The following VENTX variants were observed in gnomAD, a reference collection of about 807,000 sequenced individuals.
VENTX encodes VENT homeobox.
A neutral mutation model predicts 10.5 loss-of-function variants in VENTX; 13 were observed. The observed-to-expected ratio is 1.23, with a 90% CI of 0.80 to 1.96. The LOEUF is 1.96. VENTX is among the 30% of genes most tolerant of loss of function. The pLI is 0.00. For synonymous variants in VENTX, 177 were observed against 150.4 expected, an observed-to-expected ratio of 1.18 and a Z score of -1.29; for missense variants, 400 against 341.8, an observed-to-expected ratio of 1.17 and a Z score of -1.34.
chr10:133,238,285 G>A (rs1845881218), intron 1 of VENTX, 130 bp downstream of exon 1: 2 of 1,249,022 alleles, frequency 1.6e-6, no homozygotes, highest in African/African-American at 1.6e-5. Context: ...GTTTCCATGA[G>A]GGCCGGCGGA....
At position 133,237,855 on chromosome 10, in the gene VENTX, G is replaced by A. The variant is rs553199139; in HGVS notation, c.-60G>A. The A allele has an allele frequency of 1.1e-5, 16 of 1,474,420 alleles. No homozygotes were observed. The highest frequency in any genetic ancestry group is 7.0e-5 in the South Asian group (5 of 71,744). 91.3% of individuals were successfully genotyped at this position (1,474,420 alleles called of 1,614,324 possible). ...TAAACGCCGCCGCCTGGCGAGGCCC[G>A]AGGTGGATCCTGCGCCTGGCCAGCC... On this transcript the variant is annotated 5_prime_UTR_variant, in exon 1 of 3. Transcript: ENST00000325980.
chr10:133,239,123 C>T (rs897829032), intron 1 of VENTX, among the ~76,000 whole-genome samples: 2 of 152,226 alleles, frequency 1.3e-5, no homozygotes, highest in African/African-American at 4.8e-5. Flanking sequence ...ATGTCGAGCT[C>T]GATTGGCCAC....
rs1459762985 is a variant in VENTX, at chr10:133,241,711, G to A, written c.*1405G>A. The A allele has an allele frequency of 1.3e-5, 2 of 152,262 alleles. No individual in the cohort carries two copies. Among genetic ancestry groups the A allele is most frequent in the African/African-American group, 4.8e-5 (2 of 41,470 alleles). The allele number at this position is 152,262 out of a possible 1,614,324, so 9.4% of individuals were successfully genotyped here. The stretch of plus-strand genomic sequence containing the variant: ...CTTTCCCCTTGCTCGTTTCTCCCTT[G>A]TTGTAAGTGTTTACAACTGGCATGT... On this transcript the variant is annotated 3_prime_UTR_variant, in exon 3 of 3. Transcript: ENST00000325980.
Position 133,241,678 on chromosome 10 carries a change from G to A in VENTX, c.*1372G>A, listed in dbSNP as rs894144383. On this transcript the variant is annotated 3_prime_UTR_variant, in exon 3 of 3. Coordinates refer to ENST00000325980, the MANE Select transcript of VENTX (RefSeq NM_014468.4). ...GTGGTCCTGCGGCTGCGTCCCCAGC[G>A]AGTTTCACTTTCCCCTTGCTCGTTT... 5.3e-5 allele frequency: 8 copies of A among 152,272 alleles called. No homozygotes were observed. Among genetic ancestry groups the A allele is most frequent in the African/African-American group, 1.4e-4 (6 of 41,476 alleles). 9.4% of individuals were successfully genotyped at this position (152,272 alleles called of 1,614,324 possible).
At chr10:133,239,613 G>C in intron 1 of VENTX, 63 bp from the exon 2 acceptor site, 1 of 1,584,802 alleles carries the variant, frequency 6.3e-7, no homozygotes, top group Non-Finnish European at 8.6e-7. Context: ...CCTGTTACCC[G>C]TGGGCACGAG....
At position 133,238,034 on chromosome 10, in the gene VENTX, C is replaced by T. The variant is rs755772948; in HGVS notation, c.120C>T (p.Phe40=). The change falls in exon 1 of 3, where the codon TTC becomes TTT. Residue 40 remains phenylalanine (F), a synonymous_variant. Coordinates refer to ENST00000325980, the MANE Select transcript of VENTX (RefSeq NM_014468.4). ...GPTHTPRPAD[F]SLGSLPGPGQ... ...CCCACACCCCCAGGCCTGCCGACTT[C>T]TCCCTGGGGAGCCTCCCTGGCCCAG... 1.2e-6 allele frequency: 2 copies of T among 1,600,904 alleles called. No homozygotes were observed. Among genetic ancestry groups the T allele is most frequent in the East Asian group, 2.2e-5 (1 of 44,502 alleles).
chr10:133,238,305 G>C lies in VENTX; in HGVS notation c.241+150G>C, dbSNP rs1051461302. The stretch of plus-strand genomic sequence containing the variant: ...CATGAGGGCCGGCGGAGGCCTTGCC[G>C]GCGCCCTCACTGGAGCGCAGCTTCC... On this transcript the variant is annotated intron_variant, in intron 1 of 2. Transcript: ENST00000325980. The C allele has an allele frequency of 4.7e-6, 5 of 1,074,162 alleles. No homozygotes were observed. In the African/African-American group the frequency reaches 8.3e-5, roughly 18 times the overall value. 66.5% of individuals were successfully genotyped at this position (1,074,162 alleles called of 1,614,324 possible).
Position 133,240,676 on chromosome 10 carries a change from TG to T in VENTX, c.*373del, listed in dbSNP as rs1487022624. 6.6e-6 allele frequency: 1 copy of T among 151,152 alleles called. No individual in the cohort carries two copies. Among genetic ancestry groups the T allele is most frequent in the Non-Finnish European group, 1.5e-5 (1 of 67,824 alleles). 9.4% of individuals were successfully genotyped at this position (151,152 alleles called of 1,614,324 possible). On this transcript the variant is annotated 3_prime_UTR_variant, in exon 3 of 3. Coordinates refer to ENST00000325980, the MANE Select transcript of VENTX (RefSeq NM_014468.4). ...CTCCAGCCTCAGCCTCCCGAGTAGC[TG>T]GGATTACAGACACCCGCCACCACGC...
rs1845876020 is a variant in VENTX at position 133,238,082 on chromosome 10, G to C, written c.168G>C (p.Glu56Asp). The part of the protein sequence containing the change: ...PGPGQTSGAR[E>D]PPQAVSIKEA... Reference sequence around the variant, plus strand: ...CAGGCCAGACATCCGGCGCCCGGGAGCCCCCTCAGGCCGTCAGCATCAAGG... The same window carrying C: ...CAGGCCAGACATCCGGCGCCCGGGACCCCCCTCAGGCCGTCAGCATCAAGG... The change falls in exon 1 of 3, where the codon GAG (glutamate) becomes GAC (aspartate). Residue 56 changes from glutamate to aspartate, a missense_variant. Transcript: ENST00000325980. 1 of 1,598,026 alleles carries C rather than the reference G, an allele frequency of 6.3e-7. No homozygotes were observed. Among genetic ancestry groups the C allele is most frequent in the African/African-American group, 1.3e-5 (1 of 74,770 alleles).
At chr10:133,238,242 C>T in intron 1 of VENTX, 87 bp downstream of exon 1, 1 of 1,447,504 alleles carries the variant, frequency 6.9e-7, no homozygotes, top group Non-Finnish European at 9.1e-7. Context: ...GCACTCCCCG[C>T]GGTGCCCTGC....
rs565294704 is a variant in VENTX, at chr10:133,240,976, G to A, written c.*670G>A. 3 of 152,314 alleles carry A rather than the reference G, an allele frequency of 2.0e-5. No individual in the cohort carries two copies. Among genetic ancestry groups the A allele is most frequent in the East Asian group, 1.9e-4 (1 of 5,190 alleles). 9.4% of individuals were successfully genotyped at this position (152,314 alleles called of 1,614,324 possible). A position where few individuals can be genotyped will look rare whatever the true frequency, so the allele number is the denominator to read the frequency against. On this transcript the variant is annotated 3_prime_UTR_variant, in exon 3 of 3. Transcript: ENST00000325980. ...GTCATGGGTAGGGCTTTCGGCGTAC[G>A]ATAAAAGGATCATTTGTTTTTTAAA...
chr10:133,240,243 A>G lies in VENTX; in HGVS notation c.714A>G (p.Gly238=). 6.2e-7 allele frequency: 1 copy of G among 1,610,954 alleles called. No homozygotes were observed. Among genetic ancestry groups the G allele is most frequent in the South Asian group, 1.1e-5 (1 of 90,924 alleles). Residue 238 remains glycine, a synonymous_variant, in exon 3 of 3, where the codon GGA becomes GGG. Coordinates refer to ENST00000325980, the MANE Select transcript of VENTX (RefSeq NM_014468.4). ...CTACCCCAGGCCGGCCTTCGCTGGG[A>G]CCAGCCCTGTCCACGGGGCCCCGGG... is the stretch of plus-strand genomic sequence containing the variant. The part of the protein sequence containing the change: ...HPPTPGRPSL[G]PALSTGPRGL...
intron 1 of VENTX, among the ~76,000 whole-genome samples, chr10:133,238,543 G>T (rs28564942): frequency 1.6e-5 from 2 of 124,366 alleles, no homozygotes; most frequent in African/African-American, 6.2e-5. Context: ...CCCCGCCCCC[G>T]CCCCCCAGCA....
rs1424554688 is a variant in VENTX, at chr10:133,238,029, G to A, written c.115G>A (p.Asp39Asn). The A allele has an allele frequency of 3.7e-6, 6 of 1,600,388 alleles. No individual in the cohort carries two copies. The highest frequency in any genetic ancestry group is 1.7e-5 in the Admixed American group (1 of 59,030). ...GCCGACCCACACCCCCAGGCCTGCCGACTTCTCCCTGGGGAGCCTCCCTGG... is the reference window on the plus strand; with the variant it reads ...GCCGACCCACACCCCCAGGCCTGCCAACTTCTCCCTGGGGAGCCTCCCTGG... ...SGPTHTPRPA[D>N]FSLGSLPGPG... Residue 39 changes from aspartate to asparagine, a missense_variant, in exon 1 of 3, where the codon GAC becomes AAC. Physicochemically the swap from Asp to Asn is conservative, Grantham distance 23. Coordinates refer to ENST00000325980, the MANE Select transcript of VENTX (RefSeq NM_014468.4).
intron 1 of VENTX, 67 bp downstream of exon 1, chr10:133,238,222 C>T: frequency 6.7e-7 from 1 of 1,487,144 alleles, no homozygotes; most frequent in Non-Finnish European, 8.9e-7. Flanking sequence ...AGGCCAGGAG[C>T]CCGGCGGCTG....
chr10:133,240,360 A>C lies in VENTX; in HGVS notation c.*54A>C, dbSNP rs532250075. On this transcript the variant is annotated 3_prime_UTR_variant, in exon 3 of 3. Transcript: ENST00000325980. Reference sequence around the variant, plus strand: ...GTCTTGCTGATCGCACCTGGCTCCTACCTGGAGGACTCAGTTGTTCTGTTT... The same window carrying C: ...GTCTTGCTGATCGCACCTGGCTCCTCCCTGGAGGACTCAGTTGTTCTGTTT... 3,567 of 1,514,960 alleles carry C rather than the reference A, an allele frequency of 2.4e-3. 6 individuals are homozygous for C. The highest frequency in any genetic ancestry group is 3.0e-3 in the Non-Finnish European group (3,391 of 1,133,030). The allele number at this position is 1,514,960 out of a possible 1,614,324, so 93.8% of individuals were successfully genotyped here.
At chr10:133,239,361 G>A (rs7475239) in intron 1 of VENTX, among the ~76,000 whole-genome samples, 4 of 152,094 alleles carry the variant, frequency 2.6e-5, no homozygotes, top group East Asian at 1.9e-4. Context: ...TTACCTTACC[G>A]GCCTGGAAGG....
rs749952956 is a variant in VENTX, at chr10:133,238,115, C to G, written c.201C>G (p.Ala67=). The G allele has an allele frequency of 6.2e-7, 1 of 1,603,362 alleles. No homozygotes were observed. The highest frequency in any genetic ancestry group is 8.5e-7 in the Non-Finnish European group (1 of 1,176,382). Residue 67 remains alanine (A), a synonymous_variant, in exon 1 of 3, where the codon GCC becomes GCG. Coordinates refer to ENST00000325980, the MANE Select transcript of VENTX (RefSeq NM_014468.4). Reference sequence around the variant, plus strand: ...AGGCCGTCAGCATCAAGGAGGCCGCCGGGTCCTCAAATCTGCCTGCGCCGG... The same window carrying G: ...AGGCCGTCAGCATCAAGGAGGCCGCGGGGTCCTCAAATCTGCCTGCGCCGG... ...PPQAVSIKEA[A]GSSNLPAPER... is the part of the protein sequence containing the mutation.
At position 133,238,778 on chromosome 10, in the gene VENTX, G is replaced by A. The variant is rs192314133; in HGVS notation, c.241+623G>A. ...TTTGTGACATCATCACCACTTTTAGGTTTAAGGTAGTACTTGGTCAAAAGT... is the reference window on the plus strand; with the variant it reads ...TTTGTGACATCATCACCACTTTTAGATTTAAGGTAGTACTTGGTCAAAAGT... On this transcript the variant is annotated intron_variant, in intron 1 of 2. Coordinates refer to ENST00000325980, the MANE Select transcript of VENTX (RefSeq NM_014468.4). Among the ~76,000 whole-genome samples, 279 of 152,298 alleles carry A rather than the reference G, an allele frequency of 1.8e-3. 2 individuals are homozygous for A. Among genetic ancestry groups the A allele is most frequent in the African/African-American group, 6.5e-3 (271 of 41,558 alleles).
Sources: gnomAD v4.1 joint callset for allele counts (sites outside exome capture counted in the v4.1 genomes callset) on GRCh38, gnomAD v4.1.1 for gene constraint, MANE v1.5 for transcripts, NCBI Gene and HGNC (gene_info 2026-07-23, HGNC 2026-07-21) for gene names.